Variants in KHDRBS2 observed in about 807,000 individuals in gnomAD.
KHDRBS2 encodes KH RNA binding domain containing, signal transduction associated 2, also known as KH domain-containing, RNA-binding, signal transduction-associated protein 2.
Under a neutral mutation model 44.3 loss-of-function variants are expected in KHDRBS2, and 26 were observed. The observed-to-expected ratio is 0.59, with a 90% confidence interval of 0.43 to 0.81. KHDRBS2 has a LOEUF of 0.81. KHDRBS2 is among the 40% of genes least tolerant of loss of function. The pLI, the probability that KHDRBS2 is intolerant of heterozygous loss-of-function variation, is 0.00. For synonymous variants in KHDRBS2, 194 were observed against 151.1 expected (o/e 1.28, Z -2.08); for missense variants, 476 against 433.1 (o/e 1.10, Z -0.88).
At chr6:61,911,823 C>T (rs1163635967) in intron 4 of KHDRBS2, among the ~76,000 whole-genome samples, 1 of 151,880 alleles carries the variant, frequency 6.6e-6, no homozygotes, top group Non-Finnish European at 1.5e-5. Context: ...GCCATGAATG[C>T]CACTTCACAA....
chr6:62,129,920 T>C (rs1468181330), intron 2 of KHDRBS2, among the ~76,000 whole-genome samples: 1 of 152,144 alleles, frequency 6.6e-6, no homozygotes, highest in Non-Finnish European at 1.5e-5. Flanking sequence ...TAATATGATA[T>C]TTAAAAACTG....
the KHDRBS2 span, among the ~76,000 whole-genome samples, chr6:61,653,787 TA>T: frequency 6.6e-6 from 1 of 151,848 alleles, no homozygotes; most frequent in African/African-American, 2.4e-5. Context: ...CAAAAGAAAG[TA>T]AAATAAAAAA....
At chr6:61,631,864 C>A in the KHDRBS2 span, among the ~76,000 whole-genome samples, 1 of 152,038 alleles carries the variant, frequency 6.6e-6, no homozygotes, top group Non-Finnish European at 1.5e-5. Context: ...TAGGAATGGT[C>A]ATTTCATCAA....
intron 2 of KHDRBS2, among the ~76,000 whole-genome samples, chr6:62,164,397 C>G (rs1818251435): frequency 6.6e-6 from 1 of 151,830 alleles, no homozygotes; most frequent in Admixed American, 6.6e-5. Flanking sequence ...AAAAAAGCCT[C>G]TACATAGAAC....
At chr6:61,616,184 G>T in the KHDRBS2 span, among the ~76,000 whole-genome samples, 1 of 152,134 alleles carries the variant, frequency 6.6e-6, no homozygotes, top group African/African-American at 2.4e-5. Flanking sequence ...GTGAGAATGA[G>T]AGTTTAGGTG....
chr6:61,864,146 T>C (rs1162367762), intron 6 of KHDRBS2, among the ~76,000 whole-genome samples: 1 of 152,186 alleles, frequency 6.6e-6, no homozygotes, highest in Admixed American at 6.5e-5. Context: ...TCTCCTTCCC[T>C]TTATTTTGAG....
At chr6:61,955,320 ACG>A (rs1172518609) in intron 4 of KHDRBS2, among the ~76,000 whole-genome samples, 1 of 141,530 alleles carries the variant, frequency 7.1e-6, no homozygotes, top group Non-Finnish European at 1.6e-5. Context: ...GTATACATAT[ACG>A]TGTATATATA....
At chr6:61,955,723 C>T (rs1366378712) in intron 4 of KHDRBS2, among the ~76,000 whole-genome samples, 1 of 109,828 alleles carries the variant, frequency 9.1e-6, no homozygotes, top group Non-Finnish European at 2.0e-5. Flanking sequence ...TGTATGTATA[C>T]ATATATAGAC....
At chr6:61,639,855 A>G in the KHDRBS2 span, among the ~76,000 whole-genome samples, 1 of 152,118 alleles carries the variant, frequency 6.6e-6, no homozygotes, top group African/African-American at 2.4e-5. Flanking sequence ...AACATAAAAT[A>G]AAGTGTTTTT....
intron 4 of KHDRBS2, among the ~76,000 whole-genome samples, chr6:61,944,499 G>A (rs986259953): frequency 8.5e-5 from 13 of 152,090 alleles, no homozygotes; most frequent in Non-Finnish European, 1.9e-4. Flanking sequence ...AGGTAGGGAA[G>A]GGTGTGAAGG....
intron 2 of KHDRBS2, among the ~76,000 whole-genome samples, chr6:62,119,550 C>T (rs1229888684): frequency 6.6e-6 from 1 of 152,136 alleles, no homozygotes; most frequent in African/African-American, 2.4e-5. Flanking sequence ...TCAGCCTCAC[C>T]ACCTGTCTAC....
intron 6 of KHDRBS2, among the ~76,000 whole-genome samples, chr6:61,777,669 C>A (rs1325862234): frequency 6.6e-6 from 1 of 152,076 alleles, no homozygotes; most frequent in Non-Finnish European, 1.5e-5. Context: ...TACATTGATG[C>A]TCTCTGGTGA....
intron 6 of KHDRBS2, among the ~76,000 whole-genome samples, chr6:61,793,488 G>C (rs564708940): frequency 2.0e-5 from 3 of 151,864 alleles, no homozygotes; most frequent in Non-Finnish European, 4.4e-5. Flanking sequence ...TATCAACTTA[G>C]GTAAACTAGT....
intron 2 of KHDRBS2, among the ~76,000 whole-genome samples, chr6:62,074,217 C>A (rs1382332516): frequency 1.3e-5 from 2 of 151,814 alleles, no homozygotes; most frequent in Non-Finnish European, 2.9e-5. Context: ...AGCTAGGATC[C>A]AGTTAAGCCA....
At chr6:61,778,589 G>A (rs111297147) in intron 6 of KHDRBS2, among the ~76,000 whole-genome samples, 5 of 152,248 alleles carry the variant, frequency 3.3e-5, no homozygotes, top group African/African-American at 9.6e-5. Flanking sequence ...CAGGTGCCAC[G>A]TGATGCCATA....
At chr6:61,979,998 C>T (rs1397046513) in intron 3 of KHDRBS2, among the ~76,000 whole-genome samples, 1 of 152,048 alleles carries the variant, frequency 6.6e-6, no homozygotes, top group Non-Finnish European at 1.5e-5. Context: ...CTCTATTAAG[C>T]AAAATAATAT....
intron 2 of KHDRBS2, among the ~76,000 whole-genome samples, chr6:62,136,422 C>CT (rs919717935): frequency 9.9e-4 from 151 of 152,240 alleles, no homozygotes; most frequent in African/African-American, 3.6e-3. Context: ...AGGTGATACG[C>CT]TCCTTTAAAT....
intron 6 of KHDRBS2, among the ~76,000 whole-genome samples, chr6:61,862,208 T>C (rs1407634019): frequency 6.6e-6 from 1 of 152,062 alleles, no homozygotes; most frequent in East Asian, 1.9e-4. Context: ...TCTTTTCCTA[T>C]TGTCATCTGC....
At chr6:61,574,500 A>C in the KHDRBS2 span, 6 of 1,072,194 alleles carry the variant, frequency 5.6e-6, no homozygotes, top group African/African-American at 1.6e-5. Flanking sequence ...TGCATTAAAA[A>C]TTTCGGCTGG....
Sources: allele counts gnomAD v4.1 joint callset (sites outside exome capture counted in the v4.1 genomes callset), GRCh38; gene constraint gnomAD v4.1.1; transcripts MANE v1.5; gene names NCBI Gene and HGNC (gene_info 2026-07-23, HGNC 2026-07-21).